The following PLEKHG5 variants were observed in gnomAD, a reference collection of about 807,000 sequenced individuals.
PLEKHG5 encodes pleckstrin homology and RhoGEF domain containing G5.
PLEKHG5 carries 52 observed loss-of-function variants against 103.8 expected under a neutral mutation model. The ratio of observed to expected loss-of-function variants is 0.50; its 90% CI spans 0.40 to 0.63. The LOEUF is 0.63. PLEKHG5 is among the 30% of genes least tolerant of loss of function. The pLI is 0.00. For synonymous variants in PLEKHG5, 592 were observed against 575.5 expected, an observed-to-expected ratio of 1.03 and a Z score of -0.41; for missense variants, 1,205 against 1,347.6, an observed-to-expected ratio of 0.89 and a Z score of 1.66.
intron 17 of PLEKHG5, 43 bp from the exon 18 acceptor site, chr1:6,469,493 C>T: frequency 6.2e-7 from 1 of 1,612,972 alleles, no homozygotes; most frequent in Non-Finnish European, 8.5e-7. Flanking sequence ...GAGACGATGG[C>T]CCCCACCCAT....
At chr1:6,497,792 G>A (rs1391760887), upstream of PLEKHG5, among the ~76,000 whole-genome samples, 1 of 152,204 alleles carries the variant, frequency 6.6e-6, no homozygotes, top group Non-Finnish European at 1.5e-5. The surrounding 1 kb of genome is among the most constrained non-coding windows in gnomAD (Gnocchi z 6.1). Flanking sequence ...GGCTGTCACC[G>A]GGAGAGACTC....
chr1:6,471,435 C>T (rs1446096051), intron 12 of PLEKHG5, 53 bp downstream of exon 12: 5 of 1,568,394 alleles, frequency 3.2e-6, no homozygotes, highest in Non-Finnish European at 4.3e-6. Context: ...GGAGGCTTTT[C>T]GGCGCCCCAG....
Position 6,505,666 on chromosome 1 carries a change from C to G in PLEKHG5, c.-164-9097G>C, listed in dbSNP as rs528231621. 2.0e-4 allele frequency among the ~76,000 whole-genome samples: 31 copies of G among 152,210 alleles called. No homozygotes were observed. Among genetic ancestry groups the G allele is most frequent in the African/African-American group, 2.4e-5 (1 of 41,456 alleles). On this transcript the variant is annotated intron_variant, in intron 1 of 21. Coordinates refer to the PLEKHG5 transcript ENST00000377740. The surrounding 1 kb of genome is among the most constrained non-coding windows in gnomAD (Gnocchi z 4.2). ...GACCTGGAACGTGAATGTTCCAGAA[C>G]ATCTCATTACACCACCCAGCCCTGA...
At chr1:6,496,872 C>A, upstream of PLEKHG5, 1 of 1,162,830 alleles carries the variant, frequency 8.6e-7, no homozygotes, top group Non-Finnish European at 1.2e-6. Flanking sequence ...GCTCAGTGAC[C>A]TTTTGGGGCC....
upstream of PLEKHG5, chr1:6,496,724 G>A (rs1398922186): frequency 1.7e-6 from 1 of 577,156 alleles, no homozygotes; most frequent in Non-Finnish European, 3.0e-6. Context: ...CAACTTATCT[G>A]CACGGGAATC....
chr1:6,501,457 C>A (rs1424642058), upstream of PLEKHG5, among the ~76,000 whole-genome samples: 3 of 152,172 alleles, frequency 2.0e-5, no homozygotes. This position sits in a 1 kb window ranked among gnomAD's most constrained non-coding sequence, Gnocchi z 4.3. Flanking sequence ...CTGTCTTGAA[C>A]CTTTGAACCA....
chr1:6,495,203 C>G (rs1645205089), upstream of PLEKHG5, among the ~76,000 whole-genome samples: 1 of 152,272 alleles, frequency 6.6e-6, no homozygotes, highest in Non-Finnish European at 1.5e-5. Context: ...GAGCCCCCAT[C>G]TGGGAAAGAG....
At chr1:6,467,721 C>G in intron 20 of PLEKHG5, 104 bp downstream of exon 20, 3 of 1,509,396 alleles carry the variant, frequency 2.0e-6, no homozygotes, top group Non-Finnish European at 2.8e-6. Flanking sequence ...AGGGTTCAGG[C>G]TCCCTCCGCC....
chr1:6,513,693 G>A (rs1323878773), intron 1 of PLEKHG5, among the ~76,000 whole-genome samples: 1 of 152,350 alleles, frequency 6.6e-6, no homozygotes, highest in East Asian at 1.9e-4. Context: ...GAAAAGACAG[G>A]CTGGACTTCC....
chr1:6,475,845 C>A, intron 3 of PLEKHG5, 86 bp downstream of exon 3: 1 of 1,135,000 alleles, frequency 8.8e-7, no homozygotes, highest in Non-Finnish European at 1.3e-6. Context: ...GAGGAAGGCG[C>A]CAGAGCATCT....
At chr1:6,504,059 T>C (rs921870323) in intron 1 of PLEKHG5, among the ~76,000 whole-genome samples, 1 of 152,322 alleles carries the variant, frequency 6.6e-6, no homozygotes, top group South Asian at 2.1e-4. Flanking sequence ...CAGGCTCCCA[T>C]TGGCTGGCCC....
chr1:6,471,767 C>G lies in PLEKHG5; in HGVS notation c.1122G>C (p.Leu374=). The G allele has an allele frequency of 6.2e-7, 1 of 1,610,494 alleles. No individual in the cohort carries two copies. Among genetic ancestry groups the G allele is most frequent in the African/African-American group, 1.3e-5 (1 of 75,000 alleles). ...CCGAATCCCAGCGCACCTCACACAG[C>G]AGCCCTGACTCTTGCAGGTTCAGGA... The part of the protein sequence containing the change: ...CCLLNLQESG[L]LCEVEAERLF... The change falls in exon 11 of 21, where the codon CTG becomes CTC. Residue 374 remains leucine (L), a synonymous_variant. Transcript: ENST00000377728.
At chr1:6,476,958 G>A (rs1644779561) in intron 2 of PLEKHG5, among the ~76,000 whole-genome samples, 1 of 152,042 alleles carries the variant, frequency 6.6e-6, no homozygotes, top group Non-Finnish European at 1.5e-5. Flanking sequence ...GAGCCACCGT[G>A]CCCAACCAGA....
intron 1 of PLEKHG5, among the ~76,000 whole-genome samples, chr1:6,515,068 A>C (rs1483424173): frequency 6.6e-6 from 1 of 152,184 alleles, no homozygotes; most frequent in Non-Finnish European, 1.5e-5. Context: ...AAAAAAATAA[A>C]ATAAAAAGAA....
chr1:6,517,331 A>C (rs954394076), intron 1 of PLEKHG5, among the ~76,000 whole-genome samples: 1 of 151,302 alleles, frequency 6.6e-6, no homozygotes, highest in Admixed American at 6.6e-5. Flanking sequence ...AAAAAGATAC[A>C]ACCAAGCATA....
chr1:6,469,781 T>C lies in PLEKHG5; in HGVS notation c.1801-105A>G, dbSNP rs143177596. On this transcript the variant is annotated intron_variant, in intron 16 of 20. Coordinates refer to ENST00000377728, the MANE Select transcript of PLEKHG5 (RefSeq NM_020631.6). ...GCACTCGGTTTTTGTCAAACACTCCTCCCACCATGAACCTTCAAGTAAAAT... is the reference window on the plus strand; with the variant it reads ...GCACTCGGTTTTTGTCAAACACTCCCCCCACCATGAACCTTCAAGTAAAAT... 468 of 1,022,028 alleles carry C rather than the reference T, an allele frequency of 4.6e-4. 5 individuals are homozygous for C. In the East Asian group the frequency reaches 8.3e-3, roughly 18 times the overall value. 63.3% of individuals were successfully genotyped at this position (1,022,028 alleles called of 1,614,324 possible).
chr1:6,497,228 G>T, upstream of PLEKHG5: 2 of 866,378 alleles, frequency 2.3e-6, no homozygotes, highest in Non-Finnish European at 3.7e-6. This position sits in a 1 kb window ranked among gnomAD's most constrained non-coding sequence, Gnocchi z 6.1. Flanking sequence ...CCACCCCCTT[G>T]CCTGGAGCGG....
At chr1:6,509,894 TG>T (rs1376525343) in intron 1 of PLEKHG5, among the ~76,000 whole-genome samples, 1 of 152,146 alleles carries the variant, frequency 6.6e-6, no homozygotes, top group African/African-American at 2.4e-5. Context: ...ATAGACTTGG[TG>T]GGGAGTCCCT....
At chr1:6,471,925 AG>A (rs1644605144) in intron 10 of PLEKHG5, 117 bp from the exon 11 acceptor site, 1 of 1,005,548 alleles carries the variant, frequency 9.9e-7, no homozygotes, top group African/African-American at 1.6e-5. Context: ...GAGGCCCCAC[AG>A]CAGCCACGGA....
Sources: allele counts gnomAD v4.1 joint callset (sites outside exome capture counted in the v4.1 genomes callset), GRCh38; gene constraint gnomAD v4.1.1; non-coding constraint Gnocchi (gnomAD v3.1); transcripts MANE v1.5; gene names NCBI Gene and HGNC (gene_info 2026-07-23, HGNC 2026-07-21).